The following H3-3A variants were observed in gnomAD, a reference collection of about 807,000 sequenced individuals.
The protein encoded by H3-3A is histone H3.3.
For missense variants in H3-3A, 7 were observed against 184.0 expected, an observed-to-expected ratio of 0.04 and a Z score of 5.57; for synonymous variants, 49 against 61.4, an observed-to-expected ratio of 0.80 and a Z score of 0.95.
chr1:226,066,462 G>A (rs1046950608), intron 3 of H3-3A: 2 of 152,182 alleles, frequency 1.3e-5, no homozygotes, highest in African/African-American at 4.8e-5. Flanking sequence ...TTAATCTCTA[G>A]CATGTCAGGA....
At chr1:226,063,772 C>G (rs1387270916) in intron 1 of H3-3A, among the ~76,000 whole-genome samples, 1 of 152,110 alleles carries the variant, frequency 6.6e-6, no homozygotes, top group African/African-American at 2.4e-5. Context: ...TTGTAGAATG[C>G]TCGCTGGTGG....
chr1:226,071,859 T>C lies in H3-3A; in HGVS notation c.*380T>C, dbSNP rs2102743029. Reference sequence around the variant, plus strand: ...TTATTGATGGCAACTAAATGGTGTTTGTAGCATTTTTATCATACAGTAGAT... The same window carrying C: ...TTATTGATGGCAACTAAATGGTGTTCGTAGCATTTTTATCATACAGTAGAT... On this transcript the variant is annotated 3_prime_UTR_variant, in exon 4 of 4. Transcript: ENST00000366815. The C allele has an allele frequency of 4.8e-6, 1 of 207,730 alleles. No homozygotes were observed. The highest frequency in any genetic ancestry group is 1.6e-4 in the South Asian group (1 of 6,142). 12.9% of individuals were successfully genotyped at this position (207,730 alleles called of 1,614,324 possible). A position where few individuals can be genotyped will look rare whatever the true frequency, so the allele number is the denominator to read the frequency against.
intron 3 of H3-3A, among the ~76,000 whole-genome samples, chr1:226,068,792 T>C (rs1658004229): frequency 6.6e-6 from 1 of 152,226 alleles, no homozygotes; most frequent in Non-Finnish European, 1.5e-5. Flanking sequence ...TGGCTGATAA[T>C]GCAAGGTCAT....
intron 2 of H3-3A, among the ~76,000 whole-genome samples, chr1:226,064,894 C>T (rs1220757169): frequency 1.3e-5 from 2 of 152,216 alleles, no homozygotes; most frequent in East Asian, 3.9e-4. Flanking sequence ...AGTTCCTACC[C>T]CCTCATTTAC....
intron 3 of H3-3A, among the ~76,000 whole-genome samples, chr1:226,068,207 A>G (rs1657988014): frequency 6.6e-6 from 1 of 152,216 alleles, no homozygotes; most frequent in African/African-American, 2.4e-5. Context: ...CTTGTAATAA[A>G]ATTGGAAATG....
At chr1:226,065,151 G>A (rs1451086234) in intron 2 of H3-3A, among the ~76,000 whole-genome samples, 3 of 152,330 alleles carry the variant, frequency 2.0e-5, no homozygotes, top group Non-Finnish European at 4.4e-5. Flanking sequence ...GCACAATCGG[G>A]TGTATTCAAA....
chr1:226,071,241 C>G (rs1340611433), intron 3 of H3-3A, 110 bp from the exon 4 acceptor site: 10 of 775,582 alleles, frequency 1.3e-5, no homozygotes, highest in Non-Finnish European at 2.1e-5. Context: ...AGCATCTTGC[C>G]CAGTCATTTT....
At chr1:226,071,002 C>T (rs78817141) in intron 3 of H3-3A, among the ~76,000 whole-genome samples, 3,425 of 152,116 alleles carry the variant, frequency 0.023, 100 homozygotes, top group African/African-American at 0.063. Context: ...GACATGATTG[C>T]GTTTATAAGA....
At chr1:226,064,305 T>C in intron 1 of H3-3A, 24 bp from the exon 2 acceptor site, 2 of 1,586,056 alleles carry the variant, frequency 1.3e-6, no homozygotes, top group South Asian at 2.2e-5. Context: ...CATATGGTGA[T>C]TTTTGATTTT....
chr1:226,063,347 G>A (rs1451229686), intron 1 of H3-3A, among the ~76,000 whole-genome samples: 1 of 152,128 alleles, frequency 6.6e-6, no homozygotes, highest in South Asian at 2.1e-4. Context: ...TTTCAAAAAA[G>A]CAAGAATTTT....
intron 3 of H3-3A, among the ~76,000 whole-genome samples, chr1:226,068,096 T>C (rs1379448297): frequency 6.6e-6 from 1 of 152,248 alleles, no homozygotes; most frequent in Non-Finnish European, 1.5e-5. Flanking sequence ...AGTTCTTTTT[T>C]TTCTTTGCCA....
rs1239339854 is a variant in H3-3A at position 226,064,349 on chromosome 1, A to G, written c.-3A>G. 26 of 1,612,312 alleles carry G rather than the reference A, an allele frequency of 1.6e-5. No homozygotes were observed. The highest frequency in any genetic ancestry group is 2.0e-5 in the Non-Finnish European group (24 of 1,179,010). On this transcript the variant is annotated 5_prime_UTR_variant, in exon 2 of 4. Coordinates refer to ENST00000366815, the MANE Select transcript of H3-3A (RefSeq NM_002107.7). ...GGTAGGTAAGTAAGGAGGTCTCTGTACCATGGCTCGTACAAAGCAGACTGC... is the reference window on the plus strand; with the variant it reads ...GGTAGGTAAGTAAGGAGGTCTCTGTGCCATGGCTCGTACAAAGCAGACTGC...
intron 3 of H3-3A, among the ~76,000 whole-genome samples, chr1:226,070,145 G>A (rs571988557): frequency 2.6e-5 from 4 of 152,290 alleles, no homozygotes; most frequent in Admixed American, 1.3e-4. Flanking sequence ...ACTTGGTAGA[G>A]GACAGGGGCA....
At chr1:226,065,505 C>G (rs1657895763) in intron 2 of H3-3A, 151 bp from the exon 3 acceptor site, 1 of 557,158 alleles carries the variant, frequency 1.8e-6, no homozygotes, top group African/African-American at 1.9e-5. Context: ...ATGTTCACAT[C>G]TTAAGTTGAT....
At chr1:226,067,641 C>T (rs535736578) in intron 3 of H3-3A, among the ~76,000 whole-genome samples, 2 of 151,852 alleles carry the variant, frequency 1.3e-5, no homozygotes, top group Admixed American at 1.3e-4. Flanking sequence ...ACTAGGGAGG[C>T]TGAGGCAGGA....
chr1:226,067,299 G>T (rs1431360664), intron 3 of H3-3A: 1 of 152,132 alleles, frequency 6.6e-6, no homozygotes, highest in Admixed American at 6.5e-5. Flanking sequence ...ATTAAGTGTG[G>T]TTGTATTGGT....
intron 3 of H3-3A, chr1:226,066,308 T>C (rs1353532434): frequency 6.4e-6 from 1 of 157,202 alleles, no homozygotes; most frequent in Non-Finnish European, 1.4e-5. Context: ...GAGCAGTGAG[T>C]GGAGGATAGG....
chr1:226,071,214 C>A, intron 3 of H3-3A, 137 bp from the exon 4 acceptor site: 1 of 640,364 alleles, frequency 1.6e-6, no homozygotes, highest in Non-Finnish European at 2.7e-6. Flanking sequence ...AAAATGTAAG[C>A]ATTTGGTAAA....
At chr1:226,064,933 C>T (rs899355958) in intron 2 of H3-3A, among the ~76,000 whole-genome samples, 3 of 152,132 alleles carry the variant, frequency 2.0e-5, no homozygotes, top group Non-Finnish European at 4.4e-5. Flanking sequence ...TCTGTATTAG[C>T]TCTTTTGATT....
Sources: allele counts gnomAD v4.1 joint callset (sites outside exome capture counted in the v4.1 genomes callset), GRCh38; gene constraint gnomAD v4.1.1; transcripts MANE v1.5; gene names NCBI Gene and HGNC (gene_info 2026-07-23, HGNC 2026-07-21).